The following ZNF385B variants were observed in gnomAD, a reference collection of about 807,000 sequenced individuals.
The protein encoded by ZNF385B is zinc finger protein 533.
ZNF385B carries 23 observed loss-of-function variants against 39.2 expected under a neutral mutation model. The ratio of observed to expected loss-of-function variants is 0.59; its 90% confidence interval spans 0.42 to 0.83. The LOEUF is 0.83. ZNF385B is among the 40% of genes least tolerant of loss of function. The pLI is 0.00. For synonymous variants in ZNF385B, 205 were observed against 222.6 expected (o/e 0.92, Z 0.70); for missense variants, 552 against 598.9 (o/e 0.92, Z 0.82).
chr2:179,507,879 A>G (rs2057366872), intron 5 of ZNF385B, among the ~76,000 whole-genome samples: 1 of 152,196 alleles, frequency 6.6e-6, no homozygotes, highest in African/African-American at 2.4e-5. Flanking sequence ...CACACATCAT[A>G]AAGTTCCTTA....
intron 3 of ZNF385B, among the ~76,000 whole-genome samples, chr2:179,728,198 C>T (rs1701145841): frequency 6.6e-6 from 1 of 152,094 alleles, no homozygotes; most frequent in African/African-American, 2.4e-5. Context: ...CCTTTGTGTT[C>T]TTAGAACAGC....
intron 3 of ZNF385B, among the ~76,000 whole-genome samples, chr2:179,696,835 C>A (rs1698803435): frequency 6.6e-6 from 1 of 152,106 alleles, no homozygotes; most frequent in Non-Finnish European, 1.5e-5. Context: ...TAGTATGACT[C>A]TTATGTTAAT....
intron 1 of ZNF385B, among the ~76,000 whole-genome samples, chr2:179,773,690 C>T (rs1704141957): frequency 6.6e-6 from 1 of 152,106 alleles, no homozygotes; most frequent in African/African-American, 2.4e-5. Context: ...GGCAAGACGC[C>T]AGGGAGAAAA....
chr2:179,725,908 G>A (rs1437744308), intron 3 of ZNF385B, among the ~76,000 whole-genome samples: 3 of 111,094 alleles, frequency 2.7e-5, no homozygotes, highest in South Asian at 5.0e-4. Context: ...GTGTTTGTGT[G>A]TGTATATATA....
chr2:179,588,766 C>T (rs1303083395), intron 3 of ZNF385B, among the ~76,000 whole-genome samples: 1 of 152,074 alleles, frequency 6.6e-6, no homozygotes, highest in African/African-American at 2.4e-5. Context: ...CAATGCACTG[C>T]CCTTTGTGTA....
chr2:179,537,766 CAAAAA>C lies in ZNF385B; in HGVS notation c.441+7056_441+7060del, dbSNP rs151220146. On this transcript the variant is annotated intron_variant, in intron 4 of 9. Transcript: ENST00000410066. ...AAAAACAAACAAACAAACAAACAAA[CAAAAA>C]AAAAAATTAATAGAAATGTAAAATT... 6.4e-4 allele frequency among the ~76,000 whole-genome samples: 84 copies of C among 130,516 alleles called. 1 individual carries two copies. Among genetic ancestry groups the C allele is most frequent in the African/African-American group, 2.2e-3 (82 of 37,450 alleles). The allele number at this position is 130,516 out of a possible 152,430, so 85.6% of individuals were successfully genotyped here. A position where few individuals can be genotyped will look rare whatever the true frequency, so the allele number is the denominator to read the frequency against.
chr2:179,510,351 G>C (rs1217282255), intron 5 of ZNF385B, among the ~76,000 whole-genome samples: 2 of 152,056 alleles, frequency 1.3e-5, no homozygotes, highest in African/African-American at 4.8e-5. Context: ...ATGTGTGGCA[G>C]GCAGTGAATG....
intron 3 of ZNF385B, among the ~76,000 whole-genome samples, chr2:179,580,926 T>C (rs1381161457): frequency 6.6e-6 from 1 of 152,168 alleles, no homozygotes; most frequent in Non-Finnish European, 1.5e-5. Context: ...GCTGACAACC[T>C]GGAGTTGTGG....
chr2:179,805,743 C>T (rs1250664010), intron 1 of ZNF385B, among the ~76,000 whole-genome samples: 1 of 152,068 alleles, frequency 6.6e-6, no homozygotes, highest in Admixed American at 6.6e-5. Flanking sequence ...TCAGTAAGAC[C>T]TATATAATGG....
intron 3 of ZNF385B, among the ~76,000 whole-genome samples, chr2:179,732,196 G>A (rs946998473): frequency 6.6e-6 from 1 of 152,164 alleles, no homozygotes; most frequent in Non-Finnish European, 1.5e-5. Flanking sequence ...GAAATTCACA[G>A]AATTTTAGAA....
intron 3 of ZNF385B, among the ~76,000 whole-genome samples, chr2:179,676,601 C>T (rs939400022): frequency 3.9e-5 from 6 of 151,926 alleles, no homozygotes; most frequent in South Asian, 4.1e-4. Context: ...TGGAGAGCAG[C>T]GGGGGGACAG....
chr2:179,758,910 T>C (rs1703203662), intron 3 of ZNF385B, among the ~76,000 whole-genome samples: 1 of 152,134 alleles, frequency 6.6e-6, no homozygotes, highest in Non-Finnish European at 1.5e-5. Context: ...TAAAAAAACA[T>C]TGTTTTAAAA....
In ZNF385B at chr2:179,639,799, A is replaced by G. The variant is rs112467550; in HGVS notation, c.299-94830T>C. The stretch of plus-strand genomic sequence containing the variant: ...AAAATCTGGGAAACAGAATATTCAC[A>G]AAGTTTCAAAGTATCACTGTGCAGA... On this transcript the variant is annotated intron_variant, in intron 3 of 9. Transcript: ENST00000410066. Among the ~76,000 whole-genome samples the G allele has an allele frequency of 4.2e-3, 641 of 152,336 alleles. 7 individuals are homozygous for G. The highest frequency in any genetic ancestry group is 0.013 in the African/African-American group (543 of 41,592).
At position 179,791,995 on chromosome 2, in the gene ZNF385B, C is replaced by G. The variant is rs1470644764; in HGVS notation, c.-154-21323G>C. On this transcript the variant is annotated intron_variant, in intron 1 of 9. Transcript: ENST00000410066. ...CAGGCTGGTCTCAAACTCCTGACCT[C>G]AAGTGACCCACCTGCCTTGGCCTTC... is the stretch of plus-strand genomic sequence containing the variant. Among the ~76,000 whole-genome samples, 4 of 152,168 alleles carry G rather than the reference C, an allele frequency of 2.6e-5. No individual in the cohort carries two copies. The East Asian group carries it at 7.7e-4, about 29-fold the overall frequency.
intron 5 of ZNF385B, among the ~76,000 whole-genome samples, chr2:179,488,156 T>C (rs986284055): frequency 6.6e-6 from 1 of 152,200 alleles, no homozygotes; most frequent in African/African-American, 2.4e-5. Context: ...TCTTTTCTTT[T>C]TTTTTTGAGA....
chr2:179,551,791 A>G (rs2060588399), intron 3 of ZNF385B, among the ~76,000 whole-genome samples: 1 of 151,964 alleles, frequency 6.6e-6, no homozygotes, highest in Non-Finnish European at 1.5e-5. Context: ...CTCTATCCCA[A>G]TTTGTCCTTG....
Position 179,833,342 on chromosome 2 carries a change from T to C in ZNF385B, c.-155+27759A>G, listed in dbSNP as rs545669327. 2.6e-5 allele frequency among the ~76,000 whole-genome samples: 4 copies of C among 152,210 alleles called. No individual in the cohort carries two copies. The South Asian group carries it at 8.3e-4, about 32-fold the overall frequency. ...GATCTCACAAATAAGATGTGGTAGC[T>C]AGAAAAACACTGCTCTATAGATGAT... On this transcript the variant is annotated intron_variant, in intron 1 of 9. Transcript: ENST00000410066.
chr2:179,632,115 C>A (rs780443555), intron 3 of ZNF385B, among the ~76,000 whole-genome samples: 2 of 152,118 alleles, frequency 1.3e-5, no homozygotes, highest in African/African-American at 2.4e-5. Flanking sequence ...GACTTTAACA[C>A]CCCACTGTCA....
intron 1 of ZNF385B, among the ~76,000 whole-genome samples, chr2:179,843,859 T>A (rs1334830696): frequency 6.6e-6 from 1 of 152,242 alleles, no homozygotes. Flanking sequence ...CTGAATTTTA[T>A]CTACTTTGAG....
Sources: gnomAD v4.1 joint callset for allele counts (sites outside exome capture counted in the v4.1 genomes callset) on GRCh38, gnomAD v4.1.1 for gene constraint, MANE v1.5 for transcripts, NCBI Gene and HGNC (gene_info 2026-07-23, HGNC 2026-07-21) for gene names.